Variants in LIFR observed in about 807,000 individuals in gnomAD.
LIFR encodes leukemia inhibitory factor receptor.
Under a neutral mutation model 122.2 loss-of-function variants are expected in LIFR, and 84 were observed. The ratio of observed to expected loss-of-function variants is 0.69; its 90% CI spans 0.58 to 0.82. The LOEUF (loss-of-function observed/expected upper bound fraction) is 0.82, where lower values mean the gene tolerates loss of function less well. Ranked by LOEUF, LIFR falls within the 40% of genes least tolerant of loss-of-function variation. The pLI, the probability that LIFR is intolerant of heterozygous loss-of-function variation, is 0.00. For synonymous variants in LIFR, 422 were observed against 434.7 expected (o/e 0.97, Z 0.36); for missense variants, 1,294 against 1,311.6 (o/e 0.99, Z 0.21).
chr5:38,503,940 A>C, intron 10 of LIFR, 36 bp downstream of exon 10: 1 of 1,430,974 alleles, frequency 7.0e-7, no homozygotes, highest in Non-Finnish European at 9.8e-7. Flanking sequence ...ATTTTATCCA[A>C]AATAATCACA....
chr5:38,489,191 AAT>A lies in LIFR; in HGVS notation c.2220_2221del (p.Leu741SerfsTer12). On this transcript the variant is annotated frameshift_variant, in exon 16 of 20. Coordinates refer to ENST00000453190, the MANE Select transcript of LIFR (RefSeq NM_001127671.2). LOFTEE classifies it high-confidence loss of function. ...CACAGGAATGTCTTCCCATTTTACT[AAT>A]ATCGAATCTGCAGAAGTATCCTCAA... 6.2e-7 allele frequency: 1 copy of A among 1,613,072 alleles called. No homozygotes were observed. The highest frequency in any genetic ancestry group is 8.5e-7 in the Non-Finnish European group (1 of 1,179,362).
chr5:38,518,638 A>C (rs760846817), intron 5 of LIFR, among the ~76,000 whole-genome samples: 11 of 152,208 alleles, frequency 7.2e-5, no homozygotes, highest in Non-Finnish European at 1.6e-4. Flanking sequence ...CTCTGTACAT[A>C]ATACTTGATA....
rs113680952 is a variant in LIFR, at chr5:38,583,768, T to C, written c.-20+11493A>G. ...GTCCCCACCCAAATCTCATCTTGAATTGTGACTCCCATAATTCCTATGTGT... is the reference window on the plus strand; with the variant it reads ...GTCCCCACCCAAATCTCATCTTGAACTGTGACTCCCATAATTCCTATGTGT... On this transcript the variant is annotated intron_variant, in intron 1 of 19. Transcript: ENST00000263409. Among the ~76,000 whole-genome samples, 783 of 152,324 alleles carry C rather than the reference T, an allele frequency of 5.1e-3. 12 individuals carry two copies. Among genetic ancestry groups the C allele is most frequent in the African/African-American group, 0.018 (733 of 41,574 alleles).
At chr5:38,513,942 G>GC (rs1745940772) in intron 5 of LIFR, among the ~76,000 whole-genome samples, 1 of 151,846 alleles carries the variant, frequency 6.6e-6, no homozygotes, top group Non-Finnish European at 1.5e-5. Flanking sequence ...AGGAAACAGG[G>GC]CATGTAGAAA....
intron 5 of LIFR, among the ~76,000 whole-genome samples, chr5:38,522,830 G>A (rs1746475274): frequency 6.6e-6 from 1 of 152,142 alleles, no homozygotes; most frequent in South Asian, 2.1e-4. Flanking sequence ...TCTTAAACCT[G>A]TAACTAAGCA....
chr5:38,521,516 G>A (rs1271064470), intron 5 of LIFR, among the ~76,000 whole-genome samples: 1 of 152,204 alleles, frequency 6.6e-6, no homozygotes, highest in African/African-American at 2.4e-5. Flanking sequence ...GAAGTGGTAA[G>A]CCGAGTATGC....
intron 10 of LIFR, 56 bp downstream of exon 10, chr5:38,503,920 T>C: frequency 7.8e-7 from 1 of 1,282,552 alleles, no homozygotes; most frequent in Non-Finnish European, 1.1e-6. Flanking sequence ...CTTAATTCTT[T>C]TTGAGAACTA....
intron 12 of LIFR, among the ~76,000 whole-genome samples, chr5:38,496,914 T>C (rs932928452): frequency 5.3e-5 from 8 of 151,890 alleles, no homozygotes; most frequent in Non-Finnish European, 7.4e-5. Context: ...GAGGTGAAGG[T>C]TGCAGTGAGC....
chr5:38,569,350 GGCCTGTTAGGAACCCT>G lies in LIFR; in HGVS notation c.-20+25895_-20+25910del, dbSNP rs554096592. Among the ~76,000 whole-genome samples the G allele has an allele frequency of 8.3e-4, 127 of 152,300 alleles. 1 individual carries two copies. The highest frequency in any genetic ancestry group is 3.0e-3 in the African/African-American group (124 of 41,574). The stretch of plus-strand genomic sequence containing the variant: ...CCTACTGCAGGGTTCACTGGACTGT[GGCCTGTTAGGAACCCT>G]GCTCAGCAGGAGGTGAGAAGCAGGA... On this transcript the variant is annotated intron_variant, in intron 1 of 19. Transcript: ENST00000263409.
chr5:38,597,467 T>G (rs1029687386), upstream of LIFR, among the ~76,000 whole-genome samples: 1 of 152,160 alleles, frequency 6.6e-6, no homozygotes, highest in African/African-American at 2.4e-5. Flanking sequence ...GTCACTGTAA[T>G]TGCACATATT....
intron 1 of LIFR, among the ~76,000 whole-genome samples, chr5:38,585,424 A>G (rs1203161691): frequency 6.6e-6 from 1 of 152,216 alleles, no homozygotes; most frequent in African/African-American, 2.4e-5. Flanking sequence ...GACTTTTGCC[A>G]GGGTCATGTT....
intron 1 of LIFR, among the ~76,000 whole-genome samples, chr5:38,590,461 G>C (rs1355294797): frequency 6.6e-6 from 1 of 152,166 alleles, no homozygotes; most frequent in Non-Finnish European, 1.5e-5. Flanking sequence ...TCTGTGCCTG[G>C]CATAACATGG....
chr5:38,551,811 G>C (rs992775844), intron 1 of LIFR, among the ~76,000 whole-genome samples: 23 of 152,198 alleles, frequency 1.5e-4, no homozygotes, highest in African/African-American at 5.5e-4. Context: ...GCATAGAATA[G>C]TATCTCCCAA....
intron 5 of LIFR, among the ~76,000 whole-genome samples, chr5:38,516,848 A>G (rs1746109360): frequency 6.6e-6 from 1 of 152,226 alleles, no homozygotes; most frequent in Non-Finnish European, 1.5e-5. Context: ...AAAATGTGGC[A>G]CATACACACC....
intron 1 of LIFR, among the ~76,000 whole-genome samples, chr5:38,562,316 C>G (rs1414150822): frequency 6.6e-6 from 1 of 152,222 alleles, no homozygotes; most frequent in Non-Finnish European, 1.5e-5. Context: ...CATTGAGCCT[C>G]CATCCCTTTA....
chr5:38,572,243 C>G (rs1001135841), intron 1 of LIFR, among the ~76,000 whole-genome samples: 1 of 152,026 alleles, frequency 6.6e-6, no homozygotes, highest in Non-Finnish European at 1.5e-5. Flanking sequence ...AGGAAGCTTC[C>G]AAACATGCAG....
intron 1 of LIFR, among the ~76,000 whole-genome samples, chr5:38,578,428 A>T (rs538211164): frequency 6.7e-6 from 1 of 148,692 alleles, no homozygotes; most frequent in African/African-American, 2.5e-5. Flanking sequence ...CTGGTCTCGA[A>T]CTCCCAACTT....
chr5:38,567,816 A>G (rs1448518718), intron 1 of LIFR, among the ~76,000 whole-genome samples: 1 of 152,098 alleles, frequency 6.6e-6, no homozygotes, highest in Non-Finnish European at 1.5e-5. Flanking sequence ...GGCATGAGCC[A>G]CCACCTGGCC....
At chr5:38,513,354 C>A (rs754907742) in intron 5 of LIFR, among the ~76,000 whole-genome samples, 16 of 152,194 alleles carry the variant, frequency 1.1e-4, no homozygotes, top group Non-Finnish European at 2.4e-4. Flanking sequence ...CCAGGCTCCC[C>A]TGGAAATAAA....
Sources: gnomAD v4.1 joint callset for allele counts (sites outside exome capture counted in the v4.1 genomes callset) on GRCh38, gnomAD v4.1.1 for gene constraint, MANE v1.5 for transcripts, NCBI Gene and HGNC (gene_info 2026-07-23, HGNC 2026-07-21) for gene names.